Variants in B3GALT1 observed in about 807,000 individuals in gnomAD.
The protein encoded by B3GALT1 is UDP-Gal:betaGlcNAc beta 1,3-galactosyltransferase, polypeptide 1.
Under a neutral mutation model 23.2 loss-of-function variants are expected in B3GALT1, and 10 were observed. The ratio of observed to expected loss-of-function variants is 0.43; its 90% CI spans 0.27 to 0.73. B3GALT1 has a LOEUF of 0.73. B3GALT1 is among the 30% of genes least tolerant of loss of function. B3GALT1 has a pLI of 0.21. For missense variants in B3GALT1, 299 were observed against 405.4 expected, an observed-to-expected ratio of 0.74 and a Z score of 2.25; for synonymous variants, 156 against 141.5, an observed-to-expected ratio of 1.10 and a Z score of -0.73.
At chr2:167,772,081 G>T (rs1347998227) in intron 3 of B3GALT1, among the ~76,000 whole-genome samples, 1 of 151,714 alleles carries the variant, frequency 6.6e-6, no homozygotes, top group Non-Finnish European at 1.5e-5. Context: ...ACTGACGGGG[G>T]GAATCCAAAA....
At chr2:167,831,661 A>C (rs1189933559) in intron 4 of B3GALT1, among the ~76,000 whole-genome samples, 1 of 152,214 alleles carries the variant, frequency 6.6e-6, no homozygotes, top group African/African-American at 2.4e-5. Context: ...TGGATTACTA[A>C]GTGCTTTCTC....
At chr2:167,495,746 G>A (rs1231617384) in intron 2 of B3GALT1, among the ~76,000 whole-genome samples, 1 of 152,266 alleles carries the variant, frequency 6.6e-6, no homozygotes, top group African/African-American at 2.4e-5. Flanking sequence ...GGCAAGGGAT[G>A]CCTTCAGGGA....
At chr2:167,361,626 C>G (rs1697501133) in intron 1 of B3GALT1, among the ~76,000 whole-genome samples, 1 of 152,168 alleles carries the variant, frequency 6.6e-6, no homozygotes, top group Admixed American at 6.5e-5. Flanking sequence ...TCTGCTTTTC[C>G]TTTGTCAGAG....
Position 167,870,051 on chromosome 2 carries a change from CTTTTT to C in B3GALT1, c.*34_*38del. The C allele has an allele frequency of 6.5e-7, 1 of 1,540,038 alleles. No homozygotes were observed. The highest frequency in any genetic ancestry group is 1.3e-5 in the South Asian group (1 of 79,200). ...TTACCAATGTAAATATGTTTCTTTT[CTTTTT>C]TTAAGAAATGGGACCTAAGGTGTTG... On this transcript the variant is annotated 3_prime_UTR_variant, in exon 5 of 5. Coordinates refer to ENST00000392690, the MANE Select transcript of B3GALT1 (RefSeq NM_020981.4).
intron 2 of B3GALT1, among the ~76,000 whole-genome samples, chr2:167,570,924 G>T: frequency 6.6e-6 from 1 of 151,938 alleles, no homozygotes; most frequent in East Asian, 1.9e-4. Context: ...TTTTAATCTT[G>T]GTTCAATTGT....
chr2:167,375,684 A>G (rs574127178), intron 1 of B3GALT1, among the ~76,000 whole-genome samples: 1 of 152,208 alleles, frequency 6.6e-6, no homozygotes, highest in South Asian at 2.1e-4. Flanking sequence ...TTGTACATAG[A>G]TTTTTGTATC....
chr2:167,766,879 C>T (rs1041231477), intron 3 of B3GALT1, among the ~76,000 whole-genome samples: 5 of 152,130 alleles, frequency 3.3e-5, no homozygotes, highest in Non-Finnish European at 7.4e-5. Context: ...CCTTAAGCAT[C>T]GCCCCAAAAA....
intron 3 of B3GALT1, among the ~76,000 whole-genome samples, chr2:167,812,996 A>ACCCC (rs59345832): frequency 2.0e-4 from 14 of 70,478 alleles, no homozygotes; most frequent in African/African-American, 4.7e-4. Context: ...CACCACCCCC[A>ACCCC]CCCCCCCCCA....
chr2:167,859,343 T>C (rs1170921641), intron 4 of B3GALT1, among the ~76,000 whole-genome samples: 2 of 152,148 alleles, frequency 1.3e-5, no homozygotes, highest in Admixed American at 1.3e-4. Flanking sequence ...CCTGAGAGGA[T>C]TGTAGTGATG....
At chr2:167,626,272 CGA>C (rs1166015369) in intron 2 of B3GALT1, among the ~76,000 whole-genome samples, 1 of 151,394 alleles carries the variant, frequency 6.6e-6, no homozygotes, top group African/African-American at 2.4e-5. Flanking sequence ...ACTGAAATCT[CGA>C]ATTCTAATCC....
At chr2:167,789,935 A>T (rs1050740740) in intron 3 of B3GALT1, among the ~76,000 whole-genome samples, 1 of 152,142 alleles carries the variant, frequency 6.6e-6, no homozygotes, top group Non-Finnish European at 1.5e-5. Context: ...TCTTGTCCTT[A>T]TTCTTTTATT....
chr2:167,423,243 C>T (rs1044837178), intron 1 of B3GALT1, among the ~76,000 whole-genome samples: 11 of 152,184 alleles, frequency 7.2e-5, no homozygotes, highest in African/African-American at 2.2e-4. Context: ...AACTATACCC[C>T]GATCCATATG....
chr2:167,502,625 C>G (rs892036544), intron 2 of B3GALT1, among the ~76,000 whole-genome samples: 1 of 152,078 alleles, frequency 6.6e-6, no homozygotes, highest in Non-Finnish European at 1.5e-5. Context: ...AAGTGCCACA[C>G]ACTTTTAAAC....
At chr2:167,792,988 G>A (rs1331779302) in intron 3 of B3GALT1, among the ~76,000 whole-genome samples, 1 of 151,914 alleles carries the variant, frequency 6.6e-6, no homozygotes, top group Non-Finnish European at 1.5e-5. Flanking sequence ...CTGAGCTTAG[G>A]ACAGAATTTA....
intron 2 of B3GALT1, among the ~76,000 whole-genome samples, chr2:167,561,412 A>T (rs1233555496): frequency 6.6e-6 from 1 of 152,144 alleles, no homozygotes; most frequent in African/African-American, 2.4e-5. Context: ...AAGCAAGAGC[A>T]AACACATTCA....
chr2:167,422,837 C>G (rs912654440), intron 1 of B3GALT1, among the ~76,000 whole-genome samples: 2 of 152,000 alleles, frequency 1.3e-5, no homozygotes, highest in Non-Finnish European at 2.9e-5. Context: ...CTTAGGTCAT[C>G]CTGAAGTGGA....
chr2:167,613,219 A>G (rs1685102031), intron 2 of B3GALT1, among the ~76,000 whole-genome samples: 1 of 151,906 alleles, frequency 6.6e-6, no homozygotes, highest in Non-Finnish European at 1.5e-5. Context: ...AAAAGTTTTA[A>G]TGTTAACGAA....
At chr2:167,462,342 C>A (rs1321031282) in intron 1 of B3GALT1, among the ~76,000 whole-genome samples, 4 of 152,116 alleles carry the variant, frequency 2.6e-5, no homozygotes, top group African/African-American at 9.7e-5. Flanking sequence ...TGGACTGTGC[C>A]ATAAAATTTG....
At chr2:167,371,061 A>C (rs1697676448) in intron 1 of B3GALT1, among the ~76,000 whole-genome samples, 1 of 152,214 alleles carries the variant, frequency 6.6e-6, no homozygotes, top group Non-Finnish European at 1.5e-5. Context: ...GTGATGTAGT[A>C]GAGATTGATC....
Sources: gnomAD v4.1 joint callset for allele counts (sites outside exome capture counted in the v4.1 genomes callset) on GRCh38, gnomAD v4.1.1 for gene constraint, MANE v1.5 for transcripts, NCBI Gene and HGNC (gene_info 2026-07-23, HGNC 2026-07-21) for gene names.